NEB: variants seen among roughly 807,000 people sequenced by gnomAD.
NEB encodes nebulin.
A neutral mutation model predicts 952.2 loss-of-function variants in NEB; 512 were observed. The observed-to-expected ratio is 0.54, with a 90% confidence interval of 0.50 to 0.58. The LOEUF is 0.58. NEB is among the 20% of genes least tolerant of loss of function. The probability of loss-of-function intolerance (pLI) is 0.00; values close to 1 mark genes in which losing one functional copy is unlikely to be tolerated. For missense variants in NEB, 8,428 were observed against 9,231.1 expected (o/e 0.91, Z 3.56); for synonymous variants, 2,900 against 3,149.8 (o/e 0.92, Z 2.66).
At position 151,553,442 on chromosome 2, in the gene NEB, G is replaced by T. The variant is rs1056055169; in HGVS notation, c.19687C>A (p.Pro6563Thr). ...KGIGCYVWDT[P>T]EILHAKHAYD... is the part of the protein sequence containing the mutation. The stretch of plus-strand genomic sequence containing the variant: ...GCATGCTTGGCATGGAGGATTTCAG[G>T]AGTGTCCCAGACGTAGCAACCAATG... Residue 6563 changes from proline to threonine, a missense_variant, in exon 127 of 182, where the codon CCT (proline) becomes ACT (threonine). By Grantham distance (38) the Pro-to-Thr change is conservative. Coordinates refer to ENST00000397345, the MANE Select transcript of NEB (RefSeq NM_001164508.2). The T allele has an allele frequency of 6.2e-7, 1 of 1,613,790 alleles. No homozygotes were observed. Among genetic ancestry groups the T allele is most frequent in the African/African-American group, 1.3e-5 (1 of 75,020 alleles).
intron 128 of NEB, among the ~76,000 whole-genome samples, chr2:151,552,404 A>G (rs971558290): frequency 7.9e-4 from 120 of 152,324 alleles, no homozygotes; most frequent in African/African-American, 2.8e-3. Context: ...GCTATGACAC[A>G]GGGCACAAAA....
chr2:151,640,676 GA>G lies in NEB; in HGVS notation c.8374-11del. 6.3e-7 allele frequency: 1 copy of G among 1,599,272 alleles called. No individual in the cohort carries two copies. Among genetic ancestry groups the G allele is most frequent in the Non-Finnish European group, 8.5e-7 (1 of 1,170,722 alleles). Reference sequence around the variant, plus strand: ...CTTCTTTGTACTTGAACTAAAAGAAGAAAAAGACAGATAGTCATCTGTTTTA... The same window carrying G: ...CTTCTTTGTACTTGAACTAAAAGAAGAAAAGACAGATAGTCATCTGTTTTA... On this transcript the variant is annotated splice_polypyrimidine_tract_variant and intron_variant, in intron 60 of 181. Transcript: ENST00000397345.
chr2:151,699,804 T>G lies in NEB; in HGVS notation c.1153-2156A>C, dbSNP rs1413996826. On this transcript the variant is annotated intron_variant, in intron 13 of 181. Coordinates refer to ENST00000397345, the MANE Select transcript of NEB (RefSeq NM_001164508.2). The stretch of plus-strand genomic sequence containing the variant: ...GTAGGTTGCGAAAATTTTCTCCCAT[T>G]TTGTAGGTTGCCTGTTCACTCTGAT... 3.2e-3 allele frequency among the ~76,000 whole-genome samples: 481 copies of G among 149,614 alleles called. 1 individual carries two copies. Among genetic ancestry groups the G allele is most frequent in the African/African-American group, 0.011 (448 of 40,774 alleles).
At chr2:151,620,857 C>T in intron 72 of NEB, 62 bp downstream of exon 72, 1 of 1,271,108 alleles carries the variant, frequency 7.9e-7, no homozygotes, top group South Asian at 1.3e-5. Context: ...AAAGAGACAT[C>T]CAGCTGTATT....
intron 27 of NEB, among the ~76,000 whole-genome samples, chr2:151,686,052 A>G (rs2099495767): frequency 1.3e-5 from 2 of 152,366 alleles, no homozygotes; most frequent in Admixed American, 1.3e-4. Context: ...AAACTTTGTG[A>G]TAGTTTGCAA....
In NEB at chr2:151,529,158, T is replaced by C. The variant is rs1301045829; in HGVS notation, c.21735+52A>G. Reference sequence around the variant, plus strand: ...AGATGTAAAAAGAGGCCATGTGTCCTACAGAAGCTGGTAAATCCCCCACCA... The same window carrying C: ...AGATGTAAAAAGAGGCCATGTGTCCCACAGAAGCTGGTAAATCCCCCACCA... On this transcript the variant is annotated intron_variant, in intron 146 of 181. Coordinates refer to ENST00000397345, the MANE Select transcript of NEB (RefSeq NM_001164508.2). 7.2e-6 allele frequency: 9 copies of C among 1,247,860 alleles called. No individual in the cohort carries two copies. In the Middle Eastern group the frequency reaches 5.6e-4, roughly 77 times the overall value. 77.3% of individuals were successfully genotyped at this position (1,247,860 alleles called of 1,614,324 possible).
At position 151,639,332 on chromosome 2, in the gene NEB, G is replaced by C. The variant is rs1043986745; in HGVS notation, c.8942C>G (p.Pro2981Arg). The change falls in exon 63 of 182, where the codon CCA becomes CGA. Residue 2981 changes from proline to arginine, a missense_variant. By Grantham distance (103) the Pro-to-Arg change is moderately radical. This residue lies in a region of NEB where 1,772 missense variants were observed against 1,960.3 expected (regional missense o/e 0.90). Transcript: ENST00000397345. The stretch of plus-strand genomic sequence containing the variant: ...TGCCAACATAATTTCTGGTGTGTCT[G>C]GCATTATGTGGATCTGAGTCTTGTC... Reference protein sequence around the residue: ...DKDKTQIHIMPDTPEIMLARM... With the variant: ...DKDKTQIHIMRDTPEIMLARM... 1 of 1,545,742 alleles carries C rather than the reference G, an allele frequency of 6.5e-7. No homozygotes were observed. The highest frequency in any genetic ancestry group is 1.4e-5 in the African/African-American group (1 of 73,154).
rs1426723994 is a variant in NEB, at chr2:151,568,376, G to A, written c.17676C>T (p.Tyr5892=). Residue 5892 remains tyrosine, a synonymous_variant, in exon 112 of 182, where the codon TAC becomes TAT. Transcript: ENST00000397345. ...GCAGCAGGGGGGTTTCTGTGAGGGT[G>A]TACTTTGATTTGGTGGCATTCCAGT... The part of the protein sequence containing the change: ...RKDWNATKSK[Y]TLTETPLLHT... The A allele has an allele frequency of 2.5e-6, 4 of 1,612,542 alleles. No homozygotes were observed. The highest frequency in any genetic ancestry group is 1.7e-4 in the Middle Eastern group (1 of 5,892).
intron 127 of NEB, 26 bp from the exon 128 acceptor site, chr2:151,552,802 A>G (rs377698227): frequency 8.5e-6 from 13 of 1,537,004 alleles, no homozygotes; most frequent in South Asian, 6.9e-5. Context: ...AAACAAGCCC[A>G]TGTTGGACCA....
intron 13 of NEB, among the ~76,000 whole-genome samples, chr2:151,704,795 T>C (rs1162148724): frequency 6.6e-6 from 1 of 152,126 alleles, no homozygotes; most frequent in Non-Finnish European, 1.5e-5. Context: ...GTACCTCAGA[T>C]GGAAATGCAG....
At position 151,723,323 on chromosome 2, in the gene NEB, T is replaced by C. The variant is rs184314405; in HGVS notation, c.717+59A>G. On this transcript the variant is annotated intron_variant, in intron 9 of 181. Coordinates refer to ENST00000397345, the MANE Select transcript of NEB (RefSeq NM_001164508.2). ...TTGCAGTGACCATCTGGCCAGAATATGTAATTCAAGTTCCCCTGACTCTGC... is the reference window on the plus strand; with the variant it reads ...TTGCAGTGACCATCTGGCCAGAATACGTAATTCAAGTTCCCCTGACTCTGC... The C allele has an allele frequency of 9.3e-5, 115 of 1,231,170 alleles. 1 individual carries two copies. The Admixed American group carries it at 2.0e-3, about 22-fold the overall frequency. 76.3% of individuals were successfully genotyped at this position (1,231,170 alleles called of 1,614,324 possible).
chr2:151,575,290 T>A (rs558798089), intron 107 of NEB, among the ~76,000 whole-genome samples: 3 of 152,180 alleles, frequency 2.0e-5, no homozygotes, highest in Non-Finnish European at 2.9e-5. Flanking sequence ...TGGTCACTTA[T>A]GATTTTCTAG....
At chr2:151,515,173 G>A (rs2076952940) in intron 157 of NEB, among the ~76,000 whole-genome samples, 1 of 152,132 alleles carries the variant, frequency 6.6e-6, no homozygotes, top group Non-Finnish European at 1.5e-5. Flanking sequence ...CTAATGTTGT[G>A]ACTGGGGCAG....
chr2:151,498,382 A>C, intron 169 of NEB, 30 bp from the exon 170 acceptor site: 1 of 1,467,050 alleles, frequency 6.8e-7, no homozygotes, highest in Non-Finnish European at 9.3e-7. Flanking sequence ...CCAGAACAAA[A>C]AAAGCAATCA....
Position 151,671,036 on chromosome 2 carries a change from T to C in NEB, c.4493A>G (p.Lys1498Arg). The C allele has an allele frequency of 6.2e-7, 1 of 1,613,812 alleles. No individual in the cohort carries two copies. Reference sequence around the variant, plus strand: ...GAAAGCACTCACATCACTTAGCTGCTTTGTGTTATGCTGAGCCAACACCAT... The same window carrying C: ...GAAAGCACTCACATCACTTAGCTGCCTTGTGTTATGCTGAGCCAACACCAT... ...MGMVLAQHNT[K>R]QLSDLNYKVE... Residue 1498 changes from lysine (K) to arginine (R), a missense_variant, in exon 38 of 182, where the codon AAG becomes AGG. This residue lies in a region of NEB where 2,851 missense variants were observed against 2,791.5 expected (regional missense o/e 1.02). Coordinates refer to ENST00000397345, the MANE Select transcript of NEB (RefSeq NM_001164508.2).
chr2:151,562,984 T>C (rs2096166989), intron 119 of NEB, among the ~76,000 whole-genome samples, 176 bp from the exon 120 acceptor site: 1 of 149,078 alleles, frequency 6.7e-6, no homozygotes, highest in Admixed American at 6.7e-5. Flanking sequence ...TACTTTAATA[T>C]ATTCTTCTTC....
chr2:151,634,164 C>A (rs1289272898), intron 64 of NEB, among the ~76,000 whole-genome samples, 199 bp from the exon 65 acceptor site: 1 of 152,084 alleles, frequency 6.6e-6, no homozygotes, highest in Admixed American at 6.5e-5. Flanking sequence ...GTAGTATATA[C>A]CCCAAATCAC....
chr2:151,672,233 G>A (rs1332041716), intron 37 of NEB, 136 bp downstream of exon 37: 4 of 835,116 alleles, frequency 4.8e-6, no homozygotes, highest in Non-Finnish European at 5.3e-6. Flanking sequence ...CATGCCTTTG[G>A]TAGTCTTTCA....
At chr2:151,682,627 C>A in intron 29 of NEB, 35 bp downstream of exon 29, 1 of 1,512,636 alleles carries the variant, frequency 6.6e-7, no homozygotes, top group South Asian at 1.2e-5. Context: ...ACAACACAGT[C>A]ACCACTCTCC....
Sources: gnomAD v4.1 joint callset for allele counts (sites outside exome capture counted in the v4.1 genomes callset) on GRCh38, gnomAD v4.1.1 for gene constraint, gnomAD v4.1.1 regional missense constraint, MANE v1.5 for transcripts, NCBI Gene and HGNC (gene_info 2026-07-23, HGNC 2026-07-21) for gene names.